The following CCDC81 variants were observed in gnomAD, a reference collection of about 807,000 sequenced individuals.
The protein encoded by CCDC81 is coiled-coil domain-containing protein 81.
In CCDC81, 79 loss-of-function variants were observed where a neutral mutation model predicts 83.7. That is an observed-to-expected ratio of 0.94 (90% confidence interval 0.79 to 1.14). CCDC81 has a LOEUF of 1.14. CCDC81 is among the 50% of genes most tolerant of loss of function. The probability of loss-of-function intolerance (pLI) is 0.00; values close to 1 mark genes in which losing one functional copy is unlikely to be tolerated. For missense variants in CCDC81, 791 were observed against 778.1 expected (o/e 1.02, Z -0.20); for synonymous variants, 252 against 278.1 (o/e 0.91, Z 0.93).
chr11:86,401,344 A>T (rs761049958), intron 7 of CCDC81, among the ~76,000 whole-genome samples: 2 of 152,200 alleles, frequency 1.3e-5, no homozygotes, highest in Non-Finnish European at 1.5e-5. Flanking sequence ...TTAAGACCTC[A>T]AATCAGTCAA....
chr11:86,401,705 C>T (rs912405889), intron 7 of CCDC81, among the ~76,000 whole-genome samples: 9 of 151,498 alleles, frequency 5.9e-5, no homozygotes, highest in African/African-American at 2.2e-4. Context: ...TGCAGGAAGA[C>T]TGAAATTAAA....
intron 3 of CCDC81, 39 bp from the exon 4 acceptor site, chr11:86,392,502 A>G: frequency 1.3e-6 from 2 of 1,542,200 alleles, no homozygotes. Flanking sequence ...GGTAATCACC[A>G]CTTTCTTTCT....
Position 86,422,943 on chromosome 11 carries a change from C to T in CCDC81, c.*228C>T. 2.0e-6 allele frequency: 1 copy of T among 503,382 alleles called. No homozygotes were observed. Among genetic ancestry groups the T allele is most frequent in the Admixed American group, 3.4e-5 (1 of 29,462 alleles). 31.2% of individuals were successfully genotyped at this position (503,382 alleles called of 1,614,324 possible). Reference sequence around the variant, plus strand: ...ATGGCAGTGAAGGTGTCTGAATGGTCCTGAGGGCTAGAACCTGCTGCACAG... The same window carrying T: ...ATGGCAGTGAAGGTGTCTGAATGGTTCTGAGGGCTAGAACCTGCTGCACAG... On this transcript the variant is annotated 3_prime_UTR_variant, in exon 15 of 15. Coordinates refer to ENST00000445632, the MANE Select transcript of CCDC81 (RefSeq NM_001156474.2).
chr11:86,383,497 T>A (rs1318896011), intron 1 of CCDC81, among the ~76,000 whole-genome samples: 1 of 152,172 alleles, frequency 6.6e-6, no homozygotes, highest in African/African-American at 2.4e-5. Flanking sequence ...TTTAAACATA[T>A]GGTTTTGAGC....
At chr11:86,390,322 G>C (rs1948309572) in intron 3 of CCDC81, among the ~76,000 whole-genome samples, 1 of 152,118 alleles carries the variant, frequency 6.6e-6, no homozygotes, top group South Asian at 2.1e-4. Context: ...CAAGAACATG[G>C]AATGAAGCCT....
intron 10 of CCDC81, among the ~76,000 whole-genome samples, chr11:86,410,860 G>A (rs1948633041): frequency 6.6e-6 from 1 of 152,150 alleles, no homozygotes; most frequent in African/African-American, 2.4e-5. Flanking sequence ...TCATTTGCAA[G>A]TCCAGTTGCC....
Position 86,375,094 on chromosome 11 carries a change from T to A in CCDC81, c.-70T>A. The A allele has an allele frequency of 7.4e-7, 1 of 1,349,684 alleles. No homozygotes were observed. The highest frequency in any genetic ancestry group is 1.2e-5 in the South Asian group (1 of 85,696). The allele number at this position is 1,349,684 out of a possible 1,614,324, so 83.6% of individuals were successfully genotyped here. On this transcript the variant is annotated 5_prime_UTR_variant, in exon 1 of 15. In the 5' UTR this introduces an upstream ATG that the reference lacks. Transcript: ENST00000445632. ...GGGCTGGAGGGTGGGAAAATTATTT[T>A]TGTGCACATTCCATATAAGAAAGAA...
intron 7 of CCDC81, among the ~76,000 whole-genome samples, chr11:86,404,480 A>C (rs1344437824): frequency 6.6e-6 from 1 of 152,192 alleles, no homozygotes; most frequent in Non-Finnish European, 1.5e-5. Context: ...GCTCTAAAGG[A>C]TCTTATTTTC....
At position 86,409,386 on chromosome 11, in the gene CCDC81, T is replaced by C. The variant is rs150833296; in HGVS notation, c.1218+21T>C. ...TTTATGTAAGTCTTTTAAAAATTTCTGTTGCTAACACCTGGCCCATCTGTG... is the reference window on the plus strand; with the variant it reads ...TTTATGTAAGTCTTTTAAAAATTTCCGTTGCTAACACCTGGCCCATCTGTG... On this transcript the variant is annotated intron_variant, in intron 10 of 14. Coordinates refer to ENST00000445632, the MANE Select transcript of CCDC81 (RefSeq NM_001156474.2). 491 of 1,273,482 alleles carry C rather than the reference T, an allele frequency of 3.9e-4. 2 individuals carry two copies. In the African/African-American group the frequency reaches 7.0e-3, roughly 18 times the overall value. 78.9% of individuals were successfully genotyped at this position (1,273,482 alleles called of 1,614,324 possible).
intron 1 of CCDC81, among the ~76,000 whole-genome samples, chr11:86,380,853 G>A (rs757309185): frequency 3.9e-5 from 6 of 152,274 alleles, no homozygotes; most frequent in South Asian, 4.1e-4. Flanking sequence ...TACTATATCC[G>A]TTAGAGCCCT....
intron 11 of CCDC81, among the ~76,000 whole-genome samples, chr11:86,414,094 G>C (rs1948683338): frequency 6.6e-6 from 1 of 152,170 alleles, no homozygotes; most frequent in African/African-American, 2.4e-5. Context: ...AATAGGATAG[G>C]TAACTTAAGA....
intron 3 of CCDC81, 92 bp from the exon 4 acceptor site, chr11:86,392,449 A>C (rs1241076287): frequency 1.4e-6 from 2 of 1,391,976 alleles, no homozygotes; most frequent in Non-Finnish European, 1.9e-6. Context: ...TAGGGCATTG[A>C]GAATCAGATA....
chr11:86,387,967 TAAGA>T (rs1358854940), intron 3 of CCDC81, among the ~76,000 whole-genome samples: 2 of 152,186 alleles, frequency 1.3e-5, no homozygotes, highest in African/African-American at 2.4e-5. Context: ...TTTCAGATCC[TAAGA>T]AATTAAAAGT....
intron 14 of CCDC81, among the ~76,000 whole-genome samples, chr11:86,420,556 CT>C (rs1948776580): frequency 6.6e-6 from 1 of 151,954 alleles, no homozygotes; most frequent in African/African-American, 2.4e-5. Context: ...TGTATTACAT[CT>C]TGAAAAAAAA....
chr11:86,396,984 G>A (rs978978518), intron 5 of CCDC81, among the ~76,000 whole-genome samples: 3 of 152,128 alleles, frequency 2.0e-5, no homozygotes, highest in Non-Finnish European at 2.9e-5. Flanking sequence ...ACAATTGTTG[G>A]TGTTTTATTT....
At chr11:86,422,529 G>C (rs764199406) in intron 14 of CCDC81, 45 bp from the exon 15 acceptor site, 2 of 1,581,122 alleles carry the variant, frequency 1.3e-6, no homozygotes, top group Admixed American at 3.5e-5. Context: ...GGGCCTCCAG[G>C]AACTCCAGGA....
chr11:86,379,615 T>A (rs1248048314), intron 1 of CCDC81, among the ~76,000 whole-genome samples: 3 of 152,268 alleles, frequency 2.0e-5, no homozygotes, highest in African/African-American at 7.2e-5. Context: ...GATATATGCA[T>A]AAGCATACAT....
Position 86,414,868 on chromosome 11 carries a change from G to A in CCDC81, c.1470+1G>A. 6.3e-7 allele frequency: 1 copy of A among 1,598,400 alleles called. No individual in the cohort carries two copies. The highest frequency in any genetic ancestry group is 8.5e-7 in the Non-Finnish European group (1 of 1,174,820). On this transcript the variant is annotated splice_donor_variant, in intron 12 of 14. Coordinates refer to ENST00000445632, the MANE Select transcript of CCDC81 (RefSeq NM_001156474.2). LOFTEE classifies it high-confidence loss of function. ...TTACAAGAGAGCTTTGGATGCACAG[G>A]TAAGGGGACAGACAAATATTATTTT...
chr11:86,380,315 T>C, intron 1 of CCDC81, among the ~76,000 whole-genome samples: 1 of 152,202 alleles, frequency 6.6e-6, no homozygotes, highest in African/African-American at 2.4e-5. Context: ...TCAATATAAT[T>C]CTCATCTTTG....
Sources: allele counts gnomAD v4.1 joint callset (sites outside exome capture counted in the v4.1 genomes callset), GRCh38; gene constraint gnomAD v4.1.1; transcripts MANE v1.5; gene names NCBI Gene and HGNC (gene_info 2026-07-23, HGNC 2026-07-21).